Variants in BBS4 observed in about 807,000 individuals in gnomAD.
BBS4 encodes the protein Bardet-Biedl syndrome 4, also known as BBSome complex member BBS4.
BBS4 carries 58 observed loss-of-function variants against 71.4 expected under a neutral mutation model. That is an observed-to-expected ratio of 0.81 (90% CI 0.66 to 1.01). The LOEUF (loss-of-function observed/expected upper bound fraction) is 1.01, where lower values mean the gene tolerates loss of function less well. Ranked by LOEUF, BBS4 falls within the 50% of genes least tolerant of loss-of-function variation. BBS4 has a pLI of 0.00. For synonymous variants in BBS4, 228 were observed against 216.8 expected (o/e 1.05, Z -0.46); for missense variants, 660 against 607.9 (o/e 1.09, Z -0.90).
At chr15:72,694,983 A>G (rs2065049714) in intron 1 of BBS4, among the ~76,000 whole-genome samples, 194 bp from the exon 2 acceptor site, 1 of 152,224 alleles carries the variant, frequency 6.6e-6, no homozygotes, top group South Asian at 2.1e-4. Flanking sequence ...TACATTGTTA[A>G]TAGTTTGGAT....
chr15:72,712,304 CA>C lies in BBS4; in HGVS notation c.219del (p.Ala74HisfsTer2), dbSNP rs1192953074. The C allele has an allele frequency of 6.2e-7, 1 of 1,612,740 alleles. No individual in the cohort carries two copies. Among genetic ancestry groups the C allele is most frequent in the South Asian group, 1.1e-5 (1 of 91,048 alleles). On this transcript the variant is annotated frameshift_variant and splice_region_variant, in exon 4 of 16. Coordinates refer to ENST00000268057, the MANE Select transcript of BBS4 (RefSeq NM_033028.5). LOFTEE classifies it high-confidence loss of function. Reference sequence around the variant, plus strand: ...ATTGTGTGAATATGCTATCTATGTCCAAGGTAAGACACATACTTCTTGTCTT... The same window carrying C: ...ATTGTGTGAATATGCTATCTATGTCCAGGTAAGACACATACTTCTTGTCTT... ...QGLCEYAIYV[Q>X]ALIFRLEGNI...
At chr15:72,710,448 C>T (rs545338731) in intron 3 of BBS4, among the ~76,000 whole-genome samples, 9 of 152,112 alleles carry the variant, frequency 5.9e-5, no homozygotes, top group Non-Finnish European at 1.2e-4. Flanking sequence ...GATCTGCCCG[C>T]CTTGGCCTCC....
intron 4 of BBS4, 76 bp from the exon 5 acceptor site, chr15:72,715,215 C>A: frequency 9.4e-7 from 1 of 1,059,454 alleles, no homozygotes; most frequent in Non-Finnish European, 1.4e-6. Context: ...TTCTCTTCTC[C>A]AATTTTTCTG....
chr15:72,704,071 G>A (rs1383481742), intron 2 of BBS4, among the ~76,000 whole-genome samples: 1 of 152,062 alleles, frequency 6.6e-6, no homozygotes, highest in Non-Finnish European at 1.5e-5. Flanking sequence ...TTACAAAAGA[G>A]TAGAATGGGG....
At chr15:72,714,835 C>A (rs2065439776) in intron 4 of BBS4, among the ~76,000 whole-genome samples, 1 of 152,174 alleles carries the variant, frequency 6.6e-6, no homozygotes, top group Admixed American at 6.5e-5. Flanking sequence ...CAACTGAAGT[C>A]TTAAATGTTA....
intron 8 of BBS4, among the ~76,000 whole-genome samples, chr15:72,725,867 TTCCCCATCCC>T (rs1266006641): frequency 4.0e-4 from 1 of 2,498 alleles, no homozygotes; most frequent in African/African-American, 1.8e-3. Context: ...CCATCCCCCT[TTCCCCATCCC>T]CCTTTCCCCA....
At chr15:72,710,435 T>C (rs2065348047) in intron 3 of BBS4, among the ~76,000 whole-genome samples, 2 of 151,982 alleles carry the variant, frequency 1.3e-5, no homozygotes, top group Admixed American at 1.3e-4. Context: ...CTCCTGACCT[T>C]GTGATCTGCC....
In BBS4 at chr15:72,736,776, T is replaced by C; in HGVS notation, c.1263T>C (p.Ala421=). ...GTGGACACAAGATGGTGGAGATGGCTCAGAAGTTGGGAGCTGCTCTCCAGG... is the reference window on the plus strand; with the variant it reads ...GTGGACACAAGATGGTGGAGATGGCCCAGAAGTTGGGAGCTGCTCTCCAGG... ...LEFDSEMVEM[A]QKLGAALQVG... is the part of the protein sequence containing the mutation. The change falls in exon 15 of 16, where the codon GCT becomes GCC. Residue 421 remains alanine, a synonymous_variant. Coordinates refer to ENST00000268057, the MANE Select transcript of BBS4 (RefSeq NM_033028.5). 6.2e-7 allele frequency: 1 copy of C among 1,614,168 alleles called. No homozygotes were observed. The highest frequency in any genetic ancestry group is 8.5e-7 in the Non-Finnish European group (1 of 1,180,028).
chr15:72,709,745 T>G lies in BBS4; in HGVS notation c.122T>G (p.Leu41Arg). The change falls in exon 3 of 16, where the codon CTT becomes CGT. Residue 41 changes from leucine to arginine, a missense_variant. By Grantham distance (102) the Leu-to-Arg change is moderately radical. Coordinates refer to ENST00000268057, the MANE Select transcript of BBS4 (RefSeq NM_033028.5). ...ILEKQNWLIH[L>R]HYIRKDYEAC... is the part of the protein sequence containing the mutation. ...GAGAAGCAGAACTGGTTGATTCATC[T>G]TCATTATATCCGGAAAGATTATGAA... The G allele has an allele frequency of 6.2e-7, 1 of 1,613,842 alleles. No individual in the cohort carries two copies. The highest frequency in any genetic ancestry group is 8.5e-7 in the Non-Finnish European group (1 of 1,179,860).
intron 2 of BBS4, among the ~76,000 whole-genome samples, chr15:72,695,873 T>C (rs2065067617): frequency 6.6e-6 from 1 of 152,244 alleles, no homozygotes; most frequent in Non-Finnish European, 1.5e-5. Flanking sequence ...GAACATTCTT[T>C]ATATGGTTTG....
intron 12 of BBS4, among the ~76,000 whole-genome samples, chr15:72,733,729 A>C (rs1595950508): frequency 1.3e-5 from 2 of 152,298 alleles, no homozygotes; most frequent in East Asian, 1.9e-4. Context: ...TGCTGCATTG[A>C]ACACACACAT....
intron 2 of BBS4, among the ~76,000 whole-genome samples, chr15:72,702,010 T>A (rs965895616): frequency 6.6e-6 from 1 of 151,742 alleles, no homozygotes; most frequent in Non-Finnish European, 1.5e-5. Flanking sequence ...GCTAATTTTT[T>A]TTTTTTTTTG....
intron 2 of BBS4, among the ~76,000 whole-genome samples, chr15:72,701,888 A>T (rs933193970): frequency 6.6e-6 from 1 of 152,150 alleles, no homozygotes. Context: ...GCCAGGCTGG[A>T]GTGCAGTGGT....
intron 2 of BBS4, among the ~76,000 whole-genome samples, chr15:72,695,550 G>C (rs1474837112): frequency 6.6e-6 from 1 of 152,222 alleles, no homozygotes; most frequent in Non-Finnish European, 1.5e-5. Flanking sequence ...GCCTCCCAAA[G>C]TGTTGGGATT....
At chr15:72,735,639 C>T in intron 13 of BBS4, 186 bp from the exon 14 acceptor site, 1 of 762,916 alleles carries the variant, frequency 1.3e-6, no homozygotes, top group Non-Finnish European at 2.2e-6. Context: ...ACCAGCTTTG[C>T]TTGTTAGGCC....
chr15:72,702,842 C>G (rs2065196643), intron 2 of BBS4, among the ~76,000 whole-genome samples: 1 of 100,650 alleles, frequency 9.9e-6, no homozygotes, highest in Non-Finnish European at 1.9e-5. Context: ...GAGTCTCGCT[C>G]TGTCGCCCAG....
chr15:72,694,351 G>A (rs1271845050), intron 1 of BBS4, among the ~76,000 whole-genome samples: 2 of 149,880 alleles, frequency 1.3e-5, no homozygotes, highest in South Asian at 2.1e-4. Context: ...CCACCATGCC[G>A]AGCTAATTTT....
chr15:72,723,221 C>A (rs895815056), intron 7 of BBS4, among the ~76,000 whole-genome samples: 25 of 152,070 alleles, frequency 1.6e-4, no homozygotes, highest in African/African-American at 5.8e-4. Flanking sequence ...CATGCCCTGA[C>A]GGCAACTTAG....
intron 2 of BBS4, among the ~76,000 whole-genome samples, chr15:72,709,144 C>G (rs184907950): frequency 6.6e-6 from 1 of 152,190 alleles, no homozygotes; most frequent in Non-Finnish European, 1.5e-5. Flanking sequence ...GCCCCCTCCC[C>G]TTTTGAAATC....
Sources: gnomAD v4.1 joint callset for allele counts (sites outside exome capture counted in the v4.1 genomes callset) on GRCh38, gnomAD v4.1.1 for gene constraint, MANE v1.5 for transcripts, NCBI Gene and HGNC (gene_info 2026-07-23, HGNC 2026-07-21) for gene names.